Variants in MDGA2 observed in about 807,000 individuals in gnomAD.
The protein encoded by MDGA2 is MAM domain-containing glycosylphosphatidylinositol anchor protein 2.
Under a neutral mutation model 117.8 loss-of-function variants are expected in MDGA2, and 40 were observed. That is an observed-to-expected ratio of 0.34 (90% confidence interval 0.26 to 0.44). The LOEUF (loss-of-function observed/expected upper bound fraction) is 0.44, where lower values mean the gene tolerates loss of function less well. Ranked by LOEUF, MDGA2 falls within the 20% of genes least tolerant of loss-of-function variation. MDGA2 has a pLI of 1.00. For synonymous variants in MDGA2, 452 were observed against 439.0 expected (o/e 1.03, Z -0.37); for missense variants, 1,123 against 1,250.6 (o/e 0.90, Z 1.54).
At chr14:47,451,826 C>T (rs527406053) in intron 1 of MDGA2, among the ~76,000 whole-genome samples, 1 of 151,944 alleles carries the variant, frequency 6.6e-6, no homozygotes, top group Non-Finnish European at 1.5e-5. Flanking sequence ...CACACTGACA[C>T]AAATTAAGCA....
intron 2 of MDGA2, among the ~76,000 whole-genome samples, chr14:47,271,143 T>C (rs1164914425): frequency 1.3e-5 from 2 of 152,226 alleles, no homozygotes; most frequent in Non-Finnish European, 2.9e-5. Context: ...CCTCCATATC[T>C]GCACCCCAAA....
At chr14:47,473,817 A>AT (rs1231804623) in intron 1 of MDGA2, among the ~76,000 whole-genome samples, 1 of 152,148 alleles carries the variant, frequency 6.6e-6, no homozygotes, top group Non-Finnish European at 1.5e-5. Context: ...TTGAAAGAAC[A>AT]TAACTCAAAA....
intron 5 of MDGA2, among the ~76,000 whole-genome samples, chr14:47,119,403 A>G (rs1322288238): frequency 1.3e-5 from 2 of 152,024 alleles, no homozygotes; most frequent in Non-Finnish European, 2.9e-5. Flanking sequence ...TGCATACAAT[A>G]ATGCTTTATT....
intron 1 of MDGA2, among the ~76,000 whole-genome samples, chr14:47,334,576 T>TA (rs1234973646): frequency 6.6e-6 from 1 of 151,976 alleles, no homozygotes; most frequent in African/African-American, 2.4e-5. Flanking sequence ...TGGTTATATC[T>TA]AAATTTTTAT....
chr14:47,284,510 G>A (rs1301156237), intron 2 of MDGA2, among the ~76,000 whole-genome samples: 1 of 151,988 alleles, frequency 6.6e-6, no homozygotes, highest in East Asian at 1.9e-4. Context: ...TGGCCTTCAG[G>A]TACCCCAGCC....
chr14:47,492,483 T>C (rs1430329704), intron 1 of MDGA2, among the ~76,000 whole-genome samples: 3 of 152,106 alleles, frequency 2.0e-5, no homozygotes, highest in East Asian at 1.9e-4. Flanking sequence ...TGTGTGGATA[T>C]ACATATAGAT....
intron 14 of MDGA2, among the ~76,000 whole-genome samples, chr14:46,856,330 CTAA>C (rs35557522): frequency 0.4 from 60,432 of 151,630 alleles, 13,284 homozygotes; most frequent in East Asian, 0.63. Flanking sequence ...TAGTTTTAGA[CTAA>C]TGTCTACTAT....
chr14:47,389,378 T>C (rs1305055166), intron 1 of MDGA2, among the ~76,000 whole-genome samples: 1 of 152,166 alleles, frequency 6.6e-6, no homozygotes, highest in Non-Finnish European at 1.5e-5. Context: ...TGACTAAAAA[T>C]GTGTGTAATA....
At chr14:47,040,439 A>G (rs1889023995) in intron 7 of MDGA2, among the ~76,000 whole-genome samples, 1 of 152,188 alleles carries the variant, frequency 6.6e-6, no homozygotes, top group Non-Finnish European at 1.5e-5. Flanking sequence ...TGTTAATTCA[A>G]TCTATTTCCC....
At chr14:46,919,155 G>A (rs1595044292) in intron 10 of MDGA2, among the ~76,000 whole-genome samples, 1 of 152,264 alleles carries the variant, frequency 6.6e-6, no homozygotes, top group Non-Finnish European at 1.5e-5. Flanking sequence ...ATCGTTGGAG[G>A]TTGATCAGTC....
At chr14:47,185,204 C>T (rs1305735929) in intron 3 of MDGA2, among the ~76,000 whole-genome samples, 3 of 150,122 alleles carry the variant, frequency 2.0e-5, no homozygotes, top group African/African-American at 4.9e-5. Context: ...AAAATATTAA[C>T]CAGAATAATA....
At chr14:47,520,335 A>T (rs566804281) in intron 1 of MDGA2, among the ~76,000 whole-genome samples, 2 of 152,354 alleles carry the variant, frequency 1.3e-5, no homozygotes, top group Admixed American at 1.3e-4. Context: ...TGCAACAAAA[A>T]TGCTGCCTAA....
At chr14:47,171,940 C>T (rs1406556532) in intron 3 of MDGA2, among the ~76,000 whole-genome samples, 1 of 152,144 alleles carries the variant, frequency 6.6e-6, no homozygotes, top group Admixed American at 6.5e-5. Context: ...GTCATTCCCA[C>T]CCTAATACTG....
At chr14:47,432,033 G>A (rs1892809725) in intron 1 of MDGA2, among the ~76,000 whole-genome samples, 1 of 152,040 alleles carries the variant, frequency 6.6e-6, no homozygotes, top group Non-Finnish European at 1.5e-5. Context: ...TTATCCAATG[G>A]AGATTAACAT....
intron 8 of MDGA2, among the ~76,000 whole-genome samples, chr14:46,987,719 A>G (rs1886913351): frequency 6.6e-6 from 1 of 152,098 alleles, no homozygotes; most frequent in South Asian, 2.1e-4. Context: ...AGGGAATGAC[A>G]GTGAAACTTA....
chr14:47,135,153 G>C (rs902042455), intron 4 of MDGA2, among the ~76,000 whole-genome samples: 2 of 151,918 alleles, frequency 1.3e-5, no homozygotes, highest in Non-Finnish European at 2.9e-5. Context: ...ATACTTCTCT[G>C]CTTATTTCTA....
intron 1 of MDGA2, among the ~76,000 whole-genome samples, chr14:47,418,402 A>C (rs1892516159): frequency 6.6e-6 from 1 of 152,104 alleles, no homozygotes; most frequent in Non-Finnish European, 1.5e-5. Context: ...TATTTCTTAA[A>C]GTTCTGGAGG....
chr14:46,849,436 T>C (rs532959951), intron 15 of MDGA2, among the ~76,000 whole-genome samples: 6 of 152,024 alleles, frequency 3.9e-5, no homozygotes, highest in African/African-American at 1.4e-4. Context: ...ATTACTTTAA[T>C]TAAATTTTAT....
chr14:47,539,610 C>G (rs957095023), intron 1 of MDGA2, among the ~76,000 whole-genome samples: 1 of 152,184 alleles, frequency 6.6e-6, no homozygotes, highest in Non-Finnish European at 1.5e-5. Flanking sequence ...TTCTTCCAAA[C>G]AATCGATCAC....
Sources: allele counts gnomAD v4.1 joint callset (sites outside exome capture counted in the v4.1 genomes callset), GRCh38; gene constraint gnomAD v4.1.1; transcripts MANE v1.5; gene names NCBI Gene and HGNC (gene_info 2026-07-23, HGNC 2026-07-21).